CHCHD3: variants seen among roughly 807,000 people sequenced by gnomAD.
CHCHD3 encodes the protein MICOS complex subunit MIC19.
A neutral mutation model predicts 38.2 loss-of-function variants in CHCHD3; 20 were observed. The observed-to-expected ratio is 0.52, with a 90% confidence interval of 0.37 to 0.76. CHCHD3 has a LOEUF of 0.76. Ranked by LOEUF, CHCHD3 falls within the 30% of genes least tolerant of loss-of-function variation. The pLI is 0.00. For missense variants in CHCHD3, 245 were observed against 279.2 expected (o/e 0.88, Z 0.87); for synonymous variants, 82 against 100.0 (o/e 0.82, Z 1.07).
chr7:132,914,494 A>C (rs1177576138), intron 4 of CHCHD3, among the ~76,000 whole-genome samples: 1 of 152,246 alleles, frequency 6.6e-6, no homozygotes, highest in Non-Finnish European at 1.5e-5. Flanking sequence ...GTACATGATT[A>C]ATAGAAAATA....
At chr7:133,059,117 A>G (rs1361425993) in intron 2 of CHCHD3, among the ~76,000 whole-genome samples, 1 of 152,208 alleles carries the variant, frequency 6.6e-6, no homozygotes, top group African/African-American at 2.4e-5. Context: ...ATGATGGCAG[A>G]AAGACCACTC....
intron 5 of CHCHD3, among the ~76,000 whole-genome samples, chr7:132,868,582 T>A (rs1159956800): frequency 6.6e-6 from 1 of 152,126 alleles, no homozygotes; most frequent in Non-Finnish European, 1.5e-5. Flanking sequence ...GACTCTTGCA[T>A]AAGTTGCACA....
intron 5 of CHCHD3, among the ~76,000 whole-genome samples, chr7:132,873,497 T>C (rs1399104694): frequency 2.7e-5 from 4 of 150,294 alleles, no homozygotes; most frequent in African/African-American, 9.8e-5. Flanking sequence ...CCCTGCAACC[T>C]CTGCCTCCCA....
chr7:132,955,024 C>T (rs1348690198), intron 4 of CHCHD3, among the ~76,000 whole-genome samples: 5 of 152,136 alleles, frequency 3.3e-5, no homozygotes, highest in East Asian at 3.9e-4. Context: ...CCATCAAAAA[C>T]GGTAACTGCA....
intron 4 of CHCHD3, among the ~76,000 whole-genome samples, chr7:132,971,206 T>G (rs1476193031): frequency 6.6e-6 from 1 of 152,238 alleles, no homozygotes; most frequent in Non-Finnish European, 1.5e-5. Context: ...CTAGTCAGTC[T>G]TCATCTTCTA....
intron 2 of CHCHD3, among the ~76,000 whole-genome samples, chr7:133,026,253 T>A (rs140018568): frequency 6.6e-6 from 1 of 152,258 alleles, no homozygotes; most frequent in East Asian, 1.9e-4. Context: ...AAAGAAGATA[T>A]ACAAATAGCC....
intron 2 of CHCHD3, among the ~76,000 whole-genome samples, chr7:133,044,310 C>T (rs1264270694): frequency 1.3e-5 from 2 of 152,166 alleles, no homozygotes; most frequent in Non-Finnish European, 2.9e-5. Context: ...TAACAGCATG[C>T]GCTCTCCAAA....
intron 2 of CHCHD3, among the ~76,000 whole-genome samples, chr7:133,045,142 G>A (rs1237754103): frequency 6.6e-6 from 1 of 152,208 alleles, no homozygotes; most frequent in African/African-American, 2.4e-5. Flanking sequence ...CCACCTAAGA[G>A]AGGAAATAAA....
chr7:132,972,488 A>AT (rs1201148496), intron 4 of CHCHD3: 1 of 765,834 alleles, frequency 1.3e-6, no homozygotes, highest in South Asian at 5.9e-5. Context: ...ACATTGAGTG[A>AT]TTTTAGTATC....
intron 4 of CHCHD3, among the ~76,000 whole-genome samples, chr7:132,940,023 C>T (rs140228257): frequency 2.0e-5 from 3 of 152,122 alleles, no homozygotes; most frequent in African/African-American, 7.2e-5. Flanking sequence ...CGTGAGTGAT[C>T]GAAGGAAAAA....
At chr7:133,074,718 C>T (rs986838990) in intron 1 of CHCHD3, among the ~76,000 whole-genome samples, 1 of 151,986 alleles carries the variant, frequency 6.6e-6, no homozygotes, top group Non-Finnish European at 1.5e-5. Flanking sequence ...AATCTTAAAG[C>T]TATTTTAACT....
intron 6 of CHCHD3, among the ~76,000 whole-genome samples, chr7:132,803,771 A>G (rs59608662): frequency 6.8e-6 from 1 of 147,390 alleles, no homozygotes; most frequent in African/African-American, 2.5e-5. Context: ...GGGAAGGAAT[A>G]CACTCTTCCC....
intron 4 of CHCHD3, among the ~76,000 whole-genome samples, chr7:132,971,467 C>G (rs1811611152): frequency 6.6e-6 from 1 of 152,118 alleles, no homozygotes; most frequent in Non-Finnish European, 1.5e-5. Flanking sequence ...TTGATCTGAT[C>G]CTATTTTAAA....
chr7:132,874,493 C>A (rs1170224740), intron 5 of CHCHD3, among the ~76,000 whole-genome samples: 1 of 152,174 alleles, frequency 6.6e-6, no homozygotes, highest in African/African-American at 2.4e-5. Context: ...ATCTTGGCAA[C>A]ACTTGCGGGA....
intron 4 of CHCHD3, among the ~76,000 whole-genome samples, chr7:132,954,784 G>A (rs1458866832): frequency 1.3e-5 from 2 of 152,058 alleles, no homozygotes; most frequent in Non-Finnish European, 2.9e-5. Flanking sequence ...GTATGCACTC[G>A]ACGTCCCTCG....
chr7:132,862,138 AAGG>A (rs1808510828), intron 5 of CHCHD3, among the ~76,000 whole-genome samples: 2 of 152,094 alleles, frequency 1.3e-5, no homozygotes, highest in African/African-American at 2.4e-5. Flanking sequence ...GGAAGAAAGA[AAGG>A]AGGGAAAGAA....
chr7:133,046,845 G>C (rs1204979080), intron 2 of CHCHD3, among the ~76,000 whole-genome samples: 2 of 152,174 alleles, frequency 1.3e-5, no homozygotes, highest in African/African-American at 4.8e-5. Context: ...TTACAGGCGT[G>C]AGCCACCGCA....
intron 4 of CHCHD3, among the ~76,000 whole-genome samples, chr7:132,900,147 T>C (rs1203852880): frequency 2.8e-5 from 1 of 35,858 alleles, no homozygotes; most frequent in East Asian, 6.3e-4. Context: ...CTGAACCTCA[T>C]ACCACCTGGC....
intron 3 of CHCHD3, among the ~76,000 whole-genome samples, chr7:133,012,661 G>A (rs1401584438): frequency 6.6e-6 from 1 of 151,942 alleles, no homozygotes; most frequent in African/African-American, 2.4e-5. Flanking sequence ...CTACTCGGGA[G>A]GTTAAGGTGA....
Sources: gnomAD v4.1 joint callset for allele counts (sites outside exome capture counted in the v4.1 genomes callset) on GRCh38, gnomAD v4.1.1 for gene constraint, MANE v1.5 for transcripts, NCBI Gene and HGNC (gene_info 2026-07-23, HGNC 2026-07-21) for gene names.